The following PATJ variants were observed in gnomAD, a reference collection of about 807,000 sequenced individuals.
The protein encoded by PATJ is inaD-like protein.
A neutral mutation model predicts 224.9 loss-of-function variants in PATJ; 190 were observed. That is an observed-to-expected ratio of 0.84 (90% CI 0.75 to 0.95). The LOEUF is 0.95. PATJ is among the 40% of genes least tolerant of loss of function. The pLI, the probability that PATJ is intolerant of heterozygous loss-of-function variation, is 0.00. For synonymous variants in PATJ, 769 were observed against 820.3 expected (o/e 0.94, Z 1.07); for missense variants, 2,121 against 2,270.3 (o/e 0.93, Z 1.34).
chr1:62,010,405 C>A (rs534361659), intron 28 of PATJ, among the ~76,000 whole-genome samples: 1 of 150,412 alleles, frequency 6.6e-6, no homozygotes, highest in Non-Finnish European at 1.5e-5. Flanking sequence ...TCTTTTTTTT[C>A]CTTCCTCTCT....
chr1:61,894,391 A>C (rs931893952), intron 22 of PATJ, among the ~76,000 whole-genome samples: 2 of 152,156 alleles, frequency 1.3e-5, no homozygotes, highest in Non-Finnish European at 2.9e-5. Flanking sequence ...TCTCTACCCA[A>C]ATCTCATCTC....
chr1:61,954,657 A>T (rs768875566), intron 27 of PATJ, among the ~76,000 whole-genome samples: 3 of 151,582 alleles, frequency 2.0e-5, no homozygotes, highest in East Asian at 1.9e-4. Flanking sequence ...AAGAAATATC[A>T]CTCCTAAGTT....
At chr1:62,041,694 CA>C (rs1651504782) in intron 30 of PATJ, among the ~76,000 whole-genome samples, 1 of 152,178 alleles carries the variant, frequency 6.6e-6, no homozygotes, top group Non-Finnish European at 1.5e-5. Context: ...TTAAAACAAG[CA>C]GGCTAGTATG....
intron 33 of PATJ, among the ~76,000 whole-genome samples, chr1:62,102,879 AAAAAAAG>A (rs1464812099): frequency 7.1e-4 from 107 of 151,566 alleles, no homozygotes; most frequent in African/African-American, 2.5e-3. Context: ...AAAAAAAAAA[AAAAAAAG>A]AATAACAAAT....
rs138114008 is a variant in PATJ at position 61,985,140 on chromosome 1, C to T, written c.3671-5028C>T. ...CATCTTGGCCAATGTAGTGAAATCC[C>T]ATCTCTACTAAAACTACAAAAGTTA... On this transcript the variant is annotated intron_variant, in intron 27 of 43. Transcript: ENST00000642238. Among the ~76,000 whole-genome samples the T allele has an allele frequency of 8.3e-3, 1,267 of 152,128 alleles. 8 individuals carry two copies. Among genetic ancestry groups the T allele is most frequent in the Middle Eastern group, 0.017 (5 of 294 alleles).
chr1:61,860,035 G>A (rs1008997473), intron 18 of PATJ, among the ~76,000 whole-genome samples: 8 of 152,054 alleles, frequency 5.3e-5, no homozygotes, highest in Non-Finnish European at 8.8e-5. Context: ...ATATATAATG[G>A]TGATGAGAAC....
At chr1:62,156,638 G>A (rs1025348794) in intron 43 of PATJ, among the ~76,000 whole-genome samples, 1 of 151,654 alleles carries the variant, frequency 6.6e-6, no homozygotes, top group Non-Finnish European at 1.5e-5. Flanking sequence ...CTGTGTGACT[G>A]GGCACAGTGG....
At chr1:61,896,294 T>TA (rs755844984) in intron 22 of PATJ, among the ~76,000 whole-genome samples, 1 of 64,976 alleles carries the variant, frequency 1.5e-5, no homozygotes. Context: ...AGACTCCATC[T>TA]CAAAAAAAAA....
At chr1:61,894,181 G>C (rs1171453089) in intron 22 of PATJ, among the ~76,000 whole-genome samples, 1 of 151,878 alleles carries the variant, frequency 6.6e-6, no homozygotes, top group Non-Finnish European at 1.5e-5. Flanking sequence ...TTGAACCTGG[G>C]AGGTGGAGGT....
intron 21 of PATJ, among the ~76,000 whole-genome samples, chr1:61,883,540 A>G (rs1488503522): frequency 1.3e-5 from 2 of 152,248 alleles, no homozygotes; most frequent in South Asian, 4.1e-4. Context: ...ACCTGAGGTC[A>G]GGAGTTCGAG....
chr1:61,791,345 TAGGA>T lies in PATJ; in HGVS notation c.1069-2_1070del. 6.3e-7 allele frequency: 1 copy of T among 1,585,604 alleles called. No individual in the cohort carries two copies. The highest frequency in any genetic ancestry group is 1.3e-5 in the African/African-American group (1 of 74,494). The stretch of plus-strand genomic sequence containing the variant: ...TATAATTAAATTTGTTTTTTCCTTT[TAGGA>T]CAGTTCTCTTTTTGAAACTTATAAT... On this transcript the variant is annotated splice_acceptor_variant and coding_sequence_variant, in exon 9 of 44. Transcript: ENST00000642238. LOFTEE classifies it high-confidence loss of function.
At position 62,127,407 on chromosome 1, in the gene PATJ, T is replaced by C. The variant is rs1315698797; in HGVS notation, c.5044-565T>C. Reference sequence around the variant, plus strand: ...TTCTTCATAGCCTTTCCGGGCTCTATTGGTAAGGAATTTTTTTTTTTTTTT... The same window carrying C: ...TTCTTCATAGCCTTTCCGGGCTCTACTGGTAAGGAATTTTTTTTTTTTTTT... On this transcript the variant is annotated intron_variant, in intron 39 of 43. Coordinates refer to ENST00000642238, the MANE Select transcript of PATJ (RefSeq NM_001350145.3). Among the ~76,000 whole-genome samples the C allele has an allele frequency of 4.6e-5, 6 of 130,968 alleles. 1 individual carries two copies. The highest frequency in any genetic ancestry group is 3.7e-4 in the Admixed American group (4 of 10,764). 85.9% of individuals were successfully genotyped at this position (130,968 alleles called of 152,430 possible). A position where few individuals can be genotyped will look rare whatever the true frequency, so the allele number is the denominator to read the frequency against.
In PATJ at chr1:61,861,604, C is replaced by T; in HGVS notation, c.2376C>T (p.Asp792=). The T allele has an allele frequency of 2.7e-6, 4 of 1,497,200 alleles. No homozygotes were observed. Among genetic ancestry groups the T allele is most frequent in the Non-Finnish European group, 3.6e-6 (4 of 1,113,954 alleles). 92.7% of individuals were successfully genotyped at this position (1,497,200 alleles called of 1,614,324 possible). ...TTTTACATTCAAGCAGTAATGAAGA[C>T]AAGACTGAATTTTCAGGAACAATTC... ...CYILHSSSNE[D]KTEFSGTIHD... Residue 792 remains aspartate, a synonymous_variant, in exon 19 of 44, where the codon GAC becomes GAT. Transcript: ENST00000642238.
chr1:61,951,656 C>T (rs948020601), intron 27 of PATJ, among the ~76,000 whole-genome samples: 16 of 151,900 alleles, frequency 1.1e-4, no homozygotes, highest in African/African-American at 3.6e-4. Flanking sequence ...ATTTTTCCCC[C>T]CTGAAAGCTA....
chr1:62,093,797 TAA>T (rs1321152544), intron 33 of PATJ, among the ~76,000 whole-genome samples: 1 of 152,322 alleles, frequency 6.6e-6, no homozygotes, highest in East Asian at 1.9e-4. Flanking sequence ...TTCCTTAAAA[TAA>T]GTCTATATTT....
chr1:61,820,040 A>AATTT (rs1262899544), intron 14 of PATJ, among the ~76,000 whole-genome samples: 5 of 151,920 alleles, frequency 3.3e-5, no homozygotes, highest in African/African-American at 9.7e-5. Context: ...GTATTTAATT[A>AATTT]ATTTATTTAT....
intron 27 of PATJ, among the ~76,000 whole-genome samples, chr1:61,971,038 T>C (rs1046217751): frequency 2.6e-5 from 4 of 152,212 alleles, no homozygotes; most frequent in African/African-American, 9.6e-5. Flanking sequence ...TGCATGCTTT[T>C]AGAGCATGAC....
At chr1:61,952,997 TG>T (rs1679938190) in intron 27 of PATJ, among the ~76,000 whole-genome samples, 1 of 152,204 alleles carries the variant, frequency 6.6e-6, no homozygotes, top group African/African-American at 2.4e-5. Context: ...TTGTGTTTGG[TG>T]CCTCATTCAT....
intron 28 of PATJ, 61 bp from the exon 29 acceptor site, chr1:62,017,795 G>T: frequency 1.3e-6 from 1 of 751,566 alleles, no homozygotes; most frequent in African/African-American, 1.8e-5. Flanking sequence ...TTAATTCCAA[G>T]TATATACATA....
Sources: allele counts gnomAD v4.1 joint callset (sites outside exome capture counted in the v4.1 genomes callset), GRCh38; gene constraint gnomAD v4.1.1; transcripts MANE v1.5; gene names NCBI Gene and HGNC (gene_info 2026-07-23, HGNC 2026-07-21).